CABLES2: variants seen among roughly 807,000 people sequenced by gnomAD.
The protein encoded by CABLES2 is Cdk5 and Abl enzyme substrate 2.
Under a neutral mutation model 44.8 loss-of-function variants are expected in CABLES2, and 35 were observed. That is an observed-to-expected ratio of 0.78 (90% confidence interval 0.60 to 1.04). CABLES2 has a LOEUF of 1.04. Among genes scored for constraint, CABLES2 ranks in the 50% least tolerant of loss-of-function variants. The probability of loss-of-function intolerance (pLI) is 0.00; values close to 1 mark genes in which losing one functional copy is unlikely to be tolerated. For synonymous variants in CABLES2, 282 were observed against 281.1 expected (o/e 1.00, Z -0.03); for missense variants, 566 against 615.7 (o/e 0.92, Z 0.85).
intron 1 of CABLES2, chr20:62,405,360 G>C (rs994352434): frequency 6.6e-6 from 1 of 152,378 alleles, no homozygotes; most frequent in Non-Finnish European, 1.5e-5. Context: ...AGCTGGCCAT[G>C]CCAAATGCAT....
Sources: allele counts gnomAD v4.1 joint callset, GRCh38; gene constraint gnomAD v4.1.1; transcripts MANE v1.5; gene names NCBI Gene and HGNC (gene_info 2026-07-23, HGNC 2026-07-21).